The following UNC5D variants were observed in gnomAD, a reference collection of about 807,000 sequenced individuals.
UNC5D encodes unc-5 netrin receptor D, also known as netrin receptor UNC5D.
In UNC5D, 39 loss-of-function variants were observed where a neutral mutation model predicts 105.4. The ratio of observed to expected loss-of-function variants is 0.37; its 90% CI spans 0.29 to 0.48. UNC5D has a LOEUF of 0.48. UNC5D is among the 20% of genes least tolerant of loss of function. The pLI is 0.98. For missense variants in UNC5D, 991 were observed against 1,202.4 expected, an observed-to-expected ratio of 0.82 and a Z score of 2.60; for synonymous variants, 452 against 450.4, an observed-to-expected ratio of 1.00 and a Z score of -0.04.
At chr8:35,236,182 A>T (rs952915795) in intron 1 of UNC5D, among the ~76,000 whole-genome samples, 1 of 152,120 alleles carries the variant, frequency 6.6e-6, no homozygotes, top group Non-Finnish European at 1.5e-5. Context: ...AGACTGGAGT[A>T]GCCCGGTCTT....
Position 35,722,302 on chromosome 8 carries a change from A to G in UNC5D, c.1210A>G (p.Arg404Gly). ...AVLVIGVTLY[R>G]RSQSDYGVDV... ...CCTGGTCATTGGTGTCACCCTTTAC[A>G]GACGGAGCCAGAGTGACTATGGCGT... Residue 404 changes from arginine to glycine, a missense_variant, in exon 9 of 17, where the codon AGA (arginine) becomes GGA (glycine). By Grantham distance (125) the Arg-to-Gly change is moderately radical (BLOSUM62 -2). Coordinates refer to ENST00000404895, the MANE Select transcript of UNC5D (RefSeq NM_080872.4). 3 of 1,614,170 alleles carry G rather than the reference A, an allele frequency of 1.9e-6. No homozygotes were observed. Among genetic ancestry groups the G allele is most frequent in the Non-Finnish European group, 2.5e-6 (3 of 1,180,028 alleles).
chr8:35,250,833 T>G, intron 1 of UNC5D, among the ~76,000 whole-genome samples: 1 of 152,268 alleles, frequency 6.6e-6, no homozygotes, highest in African/African-American at 2.4e-5. Context: ...TCCCCCACTC[T>G]AGTAGTCCCC....
intron 1 of UNC5D, among the ~76,000 whole-genome samples, chr8:35,520,000 CTT>C (rs1813352492): frequency 6.6e-6 from 1 of 152,066 alleles, no homozygotes; most frequent in African/African-American, 2.4e-5. Flanking sequence ...TTGGAAGAGA[CTT>C]TGGCTCTTCT....
intron 1 of UNC5D, among the ~76,000 whole-genome samples, chr8:35,239,796 T>C (rs1802692014): frequency 6.6e-6 from 1 of 152,214 alleles, no homozygotes. Context: ...CTCAACAGAA[T>C]AGATCAATGG....
intron 7 of UNC5D, among the ~76,000 whole-genome samples, chr8:35,688,759 G>A (rs1826194340): frequency 6.6e-6 from 1 of 152,170 alleles, no homozygotes; most frequent in Non-Finnish European, 1.5e-5. Flanking sequence ...ACACATTTGA[G>A]GTGTGACTGT....
At chr8:35,768,717 T>G (rs1430280317) in intron 15 of UNC5D, among the ~76,000 whole-genome samples, 1 of 152,208 alleles carries the variant, frequency 6.6e-6, no homozygotes, top group Non-Finnish European at 1.5e-5. Flanking sequence ...GAAAGGAAAA[T>G]TAGCTAATAA....
chr8:35,688,246 A>G (rs1826159437), intron 7 of UNC5D, among the ~76,000 whole-genome samples: 1 of 151,214 alleles, frequency 6.6e-6, no homozygotes, highest in African/African-American at 2.4e-5. Flanking sequence ...TATCCAGCAA[A>G]AAAAAAAAAA....
chr8:35,629,971 A>G (rs1317338485), intron 4 of UNC5D, among the ~76,000 whole-genome samples: 1 of 152,102 alleles, frequency 6.6e-6, no homozygotes, highest in African/African-American at 2.4e-5. Flanking sequence ...TCCCCTTTAT[A>G]TTGAATTATT....
intron 1 of UNC5D, among the ~76,000 whole-genome samples, chr8:35,279,480 G>A (rs1466149031): frequency 6.6e-6 from 1 of 152,156 alleles, no homozygotes; most frequent in Non-Finnish European, 1.5e-5. Flanking sequence ...TCCCCAAGTG[G>A]ACTGACCCTT....
chr8:35,255,172 A>T (rs1003389135), intron 1 of UNC5D: 1 of 151,326 alleles, frequency 6.6e-6, no homozygotes, highest in Non-Finnish European at 1.5e-5. Context: ...CTAAACTAAC[A>T]CTCTAGCGTT....
Position 35,774,369 on chromosome 8 carries a change from C to A in UNC5D, c.2549C>A (p.Ala850Asp), listed in dbSNP as rs745637564. The A allele has an allele frequency of 6.2e-7, 1 of 1,614,114 alleles. No homozygotes were observed. Among genetic ancestry groups the A allele is most frequent in the Non-Finnish European group, 8.5e-7 (1 of 1,179,996 alleles). The change falls in exon 16 of 17, where the codon GCC becomes GAC. Residue 850 changes from alanine (A) to aspartate (D), a missense_variant. By Grantham distance (126) the Ala-to-Asp change is moderately radical. Transcript: ENST00000404895. Reference protein sequence around the residue: ...STFPAQTGPKAFKIPYSIRQR... With the variant: ...STFPAQTGPKDFKIPYSIRQR... ...TTCCCTGCACAGACTGGCCCCAAAGCCTTCAAAATTCCCTACTCCATCAGA... is the reference window on the plus strand; with the variant it reads ...TTCCCTGCACAGACTGGCCCCAAAGACTTCAAAATTCCCTACTCCATCAGA...
intron 2 of UNC5D, 63 bp downstream of exon 2, chr8:35,549,573 C>G: frequency 6.7e-7 from 1 of 1,485,572 alleles, no homozygotes; most frequent in South Asian, 1.2e-5. Flanking sequence ...GTGGTTATAT[C>G]TCTGGGAAAG....
intron 1 of UNC5D, among the ~76,000 whole-genome samples, chr8:35,370,221 T>C (rs547282497): frequency 9.3e-4 from 142 of 152,298 alleles, no homozygotes; most frequent in African/African-American, 3.3e-3. Flanking sequence ...TGGCTACTCA[T>C]TTTGAAGGAG....
intron 4 of UNC5D, among the ~76,000 whole-genome samples, chr8:35,649,748 A>G (rs906638343): frequency 5.9e-5 from 9 of 152,162 alleles, no homozygotes; most frequent in African/African-American, 2.2e-4. Flanking sequence ...TCATGGAAAA[A>G]CATCAGACAA....
intron 1 of UNC5D, among the ~76,000 whole-genome samples, chr8:35,373,118 C>T (rs78496940): frequency 0.027 from 4,081 of 152,266 alleles, 189 homozygotes; most frequent in African/African-American, 0.094. Flanking sequence ...ATCCTTTTCA[C>T]GTGTACTTCT....
At chr8:35,429,148 A>G (rs1490644316) in intron 1 of UNC5D, among the ~76,000 whole-genome samples, 3 of 152,082 alleles carry the variant, frequency 2.0e-5, no homozygotes, top group Non-Finnish European at 4.4e-5. Flanking sequence ...AAAATGGACT[A>G]TTTTTCAAAA....
chr8:35,722,479 G>A (rs1828636231), intron 9 of UNC5D, 84 bp downstream of exon 9: 1 of 1,496,152 alleles, frequency 6.7e-7, no homozygotes, highest in Non-Finnish European at 8.9e-7. Flanking sequence ...CCTGGGCCCT[G>A]TGTGAAGGTA....
chr8:35,253,830 T>C (rs961180018), intron 1 of UNC5D, among the ~76,000 whole-genome samples: 3 of 152,150 alleles, frequency 2.0e-5, no homozygotes, highest in African/African-American at 7.2e-5. Context: ...TCCAGAAGTA[T>C]ATAGTGAGGA....
Position 35,235,795 on chromosome 8 carries a change from C to G in UNC5D, c.11C>G (p.Ala4Gly), listed in dbSNP as rs1033921484. ...AACGCGGCGAGGAGCATGGGGAGAG[C>G]GGCGGCCACCGCAGGCGGCGGCGGA... MGR[A>G]AATAGGGGGA... Residue 4 changes from alanine to glycine, a missense_variant, in exon 1 of 17, where the codon GCG becomes GGG. Ala to Gly is a moderately conservative substitution (Grantham distance 60). Coordinates refer to ENST00000404895, the MANE Select transcript of UNC5D (RefSeq NM_080872.4). The G allele has an allele frequency of 8.1e-7, 1 of 1,229,722 alleles. No homozygotes were observed. The highest frequency in any genetic ancestry group is 1.0e-6 in the Non-Finnish European group (1 of 986,032). 76.2% of individuals were successfully genotyped at this position (1,229,722 alleles called of 1,614,324 possible). A position where few individuals can be genotyped will look rare whatever the true frequency, so the allele number is the denominator to read the frequency against.
Sources: gnomAD v4.1 joint callset for allele counts (sites outside exome capture counted in the v4.1 genomes callset) on GRCh38, gnomAD v4.1.1 for gene constraint, MANE v1.5 for transcripts, NCBI Gene and HGNC (gene_info 2026-07-23, HGNC 2026-07-21) for gene names.